KLRF1: variants seen among roughly 807,000 people sequenced by gnomAD.
The protein encoded by KLRF1 is killer cell lectin like receptor F1, also known as killer cell lectin-like receptor subfamily F member 1.
In KLRF1, 27 loss-of-function variants were observed where a neutral mutation model predicts 30.7. The observed-to-expected ratio is 0.88, with a 90% CI of 0.65 to 1.21. KLRF1 has a LOEUF of 1.21. Among genes scored for constraint, KLRF1 ranks in the 50% most tolerant of loss-of-function variants. The pLI is 0.00. For missense variants in KLRF1, 246 were observed against 259.3 expected (o/e 0.95, Z 0.35); for synonymous variants, 92 against 89.3 (o/e 1.03, Z -0.17).
chr12:9,808,599 A>G, the KLRF1 span, among the ~76,000 whole-genome samples: 4 of 152,218 alleles, frequency 2.6e-5, no homozygotes, highest in Admixed American at 6.5e-5. Flanking sequence ...GTGAATGCTA[A>G]CAGTAGTTTC....
At chr12:9,842,067 C>A in intron 4 of KLRF1, 116 bp downstream of exon 4, 1 of 1,210,564 alleles carries the variant, frequency 8.3e-7, no homozygotes. Context: ...GTTTTGGGCA[C>A]CCTCTTAAAT....
chr12:9,805,764 AT>A, the KLRF1 span, among the ~76,000 whole-genome samples: 2 of 151,880 alleles, frequency 1.3e-5, no homozygotes, highest in Non-Finnish European at 2.9e-5. Flanking sequence ...TCTCAAAAAA[AT>A]TTTTTTGTTT....
intron 1 of KLRF1, among the ~76,000 whole-genome samples, chr12:9,831,309 A>G (rs1211338207): frequency 6.6e-6 from 1 of 152,172 alleles, no homozygotes; most frequent in Non-Finnish European, 1.5e-5. Context: ...TGACAATGTT[A>G]TGATAAGAGA....
At chr12:9,833,221 C>A in intron 2 of KLRF1, 82 bp from the exon 3 acceptor site, 1 of 923,618 alleles carries the variant, frequency 1.1e-6, no homozygotes, top group East Asian at 2.9e-5. Flanking sequence ...TTCCAATCAT[C>A]GGAATCATTC....
chr12:9,809,128 T>G, the KLRF1 span, among the ~76,000 whole-genome samples: 2 of 152,132 alleles, frequency 1.3e-5, no homozygotes, highest in Admixed American at 6.5e-5. Context: ...CGAGATGAAT[T>G]TTTTAAGTGT....
the KLRF1 span, among the ~76,000 whole-genome samples, chr12:9,816,079 A>G: frequency 2.6e-5 from 4 of 152,160 alleles, no homozygotes; most frequent in Non-Finnish European, 1.5e-5. Flanking sequence ...CGGCCTCCCA[A>G]AGTGCTGAGA....
the KLRF1 span, among the ~76,000 whole-genome samples, chr12:9,818,373 G>A: frequency 1.3e-5 from 2 of 152,186 alleles, no homozygotes; most frequent in Non-Finnish European, 2.9e-5. Context: ...AACTGCCCAT[G>A]GAATGTGTGT....
At chr12:9,837,619 T>G (rs1266601797) in intron 3 of KLRF1, among the ~76,000 whole-genome samples, 2 of 152,152 alleles carry the variant, frequency 1.3e-5, no homozygotes, top group Non-Finnish European at 2.9e-5. Flanking sequence ...GCTTTTCCTC[T>G]CAAGCTTTTC....
upstream of KLRF1, among the ~76,000 whole-genome samples, chr12:9,827,055 A>G (rs905483781): frequency 2.0e-5 from 3 of 152,236 alleles, no homozygotes; most frequent in Admixed American, 6.5e-5. Context: ...CTGTTAAATT[A>G]TTAGCATGAT....
chr12:9,822,506 A>C (rs1310903968), upstream of KLRF1, among the ~76,000 whole-genome samples: 1 of 152,218 alleles, frequency 6.6e-6, no homozygotes, highest in African/African-American at 2.4e-5. Context: ...ATATAGGATT[A>C]TGTAAAGGCG....
the KLRF1 span, among the ~76,000 whole-genome samples, chr12:9,819,834 C>A: frequency 2.6e-5 from 4 of 152,194 alleles, no homozygotes; most frequent in South Asian, 2.1e-4. Flanking sequence ...CCCTGTTTCT[C>A]TTTACTGGCT....
chr12:9,844,505 C>A lies in KLRF1; in HGVS notation c.675C>A (p.Phe225Leu). The change falls in exon 6 of 6, where the codon TTC becomes TTA. Residue 225 changes from phenylalanine to leucine, a missense_variant. Phe to Leu is a conservative substitution (Grantham distance 22). Transcript: ENST00000617889. ...KIFSETCSSVFKWICQY is the reference protein window; with the variant it reads ...KIFSETCSSVLKWICQY ...TCTCTGAAACCTGCAGCAGTGTTTT[C>A]AAATGGATTTGTCAGTATTAGAGTT... 6.2e-7 allele frequency: 1 copy of A among 1,600,860 alleles called. No homozygotes were observed. The highest frequency in any genetic ancestry group is 1.1e-5 in the South Asian group (1 of 90,614).
At chr12:9,823,798 T>C (rs765375778), upstream of KLRF1, among the ~76,000 whole-genome samples, 2 of 151,846 alleles carry the variant, frequency 1.3e-5, no homozygotes, top group South Asian at 4.2e-4. Context: ...ACAATGGGGA[T>C]GGTACCACTG....
chr12:9,822,743 A>C (rs767680009), upstream of KLRF1, among the ~76,000 whole-genome samples: 1 of 152,156 alleles, frequency 6.6e-6, no homozygotes, highest in African/African-American at 2.4e-5. Context: ...ACACAATGAC[A>C]CACAGGCTTG....
chr12:9,837,877 G>A (rs1188151774), intron 3 of KLRF1, among the ~76,000 whole-genome samples: 1 of 152,098 alleles, frequency 6.6e-6, no homozygotes, highest in Non-Finnish European at 1.5e-5. Flanking sequence ...CACCTCACCT[G>A]ACTTGAATCA....
At chr12:9,812,204 A>G in the KLRF1 span, among the ~76,000 whole-genome samples, 1 of 152,026 alleles carries the variant, frequency 6.6e-6, no homozygotes, top group Non-Finnish European at 1.5e-5. Flanking sequence ...TCTCTACTAA[A>G]AATACATAAA....
At chr12:9,810,531 T>C in the KLRF1 span, among the ~76,000 whole-genome samples, 1 of 152,214 alleles carries the variant, frequency 6.6e-6, no homozygotes, top group Admixed American at 6.5e-5. Context: ...CCAAACAGTG[T>C]CTGACATGTA....
At chr12:9,841,092 T>C (rs981624707) in intron 3 of KLRF1, among the ~76,000 whole-genome samples, 13 of 152,068 alleles carry the variant, frequency 8.5e-5, no homozygotes, top group Non-Finnish European at 1.5e-4. Flanking sequence ...ATGTGGTACA[T>C]ATACCATACC....
At chr12:9,842,539 C>A (rs1378713635) in intron 5 of KLRF1, 106 bp downstream of exon 5, 11 of 911,980 alleles carry the variant, frequency 1.2e-5, no homozygotes, top group Non-Finnish European at 1.7e-5. Context: ...CTACAGAATT[C>A]AAAAGAATGA....
Sources: gnomAD v4.1 joint callset for allele counts (sites outside exome capture counted in the v4.1 genomes callset) on GRCh38, gnomAD v4.1.1 for gene constraint, MANE v1.5 for transcripts, NCBI Gene and HGNC (gene_info 2026-07-23, HGNC 2026-07-21) for gene names.